Variants in COL5A3 observed in about 807,000 individuals in gnomAD.
The protein encoded by COL5A3 is collagen type V alpha 3 chain, also known as collagen alpha-3(V) chain.
In COL5A3, 172 loss-of-function variants were observed where a neutral mutation model predicts 250.0. The ratio of observed to expected loss-of-function variants is 0.69; its 90% confidence interval spans 0.61 to 0.78. The LOEUF (loss-of-function observed/expected upper bound fraction) is 0.78. Ranked by LOEUF, COL5A3 falls within the 30% of genes least tolerant of loss-of-function variation. COL5A3 has a pLI of 0.00. For missense variants in COL5A3, 2,340 were observed against 2,334.4 expected (o/e 1.00, Z -0.05); for synonymous variants, 937 against 900.4 (o/e 1.04, Z -0.73).
chr19:10,004,008 C>T lies in COL5A3; in HGVS notation c.699+33G>A, dbSNP rs192401920. 1,301 of 1,525,240 alleles carry T rather than the reference C, an allele frequency of 8.5e-4. 1 individual carries two copies. Among genetic ancestry groups the T allele is most frequent in the Non-Finnish European group, 1.0e-3 (1,131 of 1,098,638 alleles). The allele number at this position is 1,525,240 out of a possible 1,614,324, so 94.5% of individuals were successfully genotyped here. A position where few individuals can be genotyped will look rare whatever the true frequency, so the allele number is the denominator to read the frequency against. On this transcript the variant is annotated intron_variant, in intron 5 of 66. Transcript: ENST00000264828. ...AGCCAGGAAGGACCCAGCCTGTGTC[C>T]TGAGATTAGGAGTCATGGAGTCCCT...
At chr19:10,010,241 T>C in intron 1 of COL5A3, 57 bp downstream of exon 1, 1 of 888,156 alleles carries the variant, frequency 1.1e-6, no homozygotes, top group South Asian at 3.2e-5. Flanking sequence ...CCCCTCGCTC[T>C]TTTAGAGCCT....
In COL5A3 at chr19:9,973,034, G is replaced by T. The variant is rs759115088; in HGVS notation, c.3667-8C>A. The T allele has an allele frequency of 4.4e-6, 7 of 1,600,522 alleles. No individual in the cohort carries two copies. Among genetic ancestry groups the T allele is most frequent in the Non-Finnish European group, 8.5e-7 (1 of 1,172,890 alleles). On this transcript the variant is annotated splice_polypyrimidine_tract_variant and splice_region_variant and intron_variant, in intron 50 of 66. Transcript: ENST00000264828. ...AATGTCTCCCTTGGGCCCCTTTACA[G>T]AAAGAGGTCAGAGGTCAGAGTGGCC... is the stretch of plus-strand genomic sequence containing the variant.
Position 9,966,221 on chromosome 19 carries a change from G to T in COL5A3, c.4782+93C>A, listed in dbSNP as rs2086742629. 5 of 954,320 alleles carry T rather than the reference G, an allele frequency of 5.2e-6. No homozygotes were observed. The East Asian group carries it at 1.2e-4, about 23-fold the overall frequency. The allele number at this position is 954,320 out of a possible 1,614,324, so 59.1% of individuals were successfully genotyped here. ...AAGTGCTCAATAAATGCCGGTTGAAGGAAGGATAACGTCCCAGACAAGGTG... is the reference window on the plus strand; with the variant it reads ...AAGTGCTCAATAAATGCCGGTTGAATGAAGGATAACGTCCCAGACAAGGTG... On this transcript the variant is annotated intron_variant, in intron 64 of 66. Coordinates refer to ENST00000264828, the MANE Select transcript of COL5A3 (RefSeq NM_015719.4).
Position 9,968,416 on chromosome 19 carries a change from A to T in COL5A3, c.4283T>A (p.Val1428Glu). 1 of 1,591,742 alleles carries T rather than the reference A, an allele frequency of 6.3e-7. No individual in the cohort carries two copies. The highest frequency in any genetic ancestry group is 8.5e-7 in the Non-Finnish European group (1 of 1,174,482). ...TCCCTTGGGACCAGGGGGTCCCTGC[A>T]CGCCTGGCAACCCCTGATCTCCTTT... ...GEKGDQGLPG[V>E]QGPPGPKGDP... is the part of the protein sequence containing the mutation. The change falls in exon 59 of 67, where the codon GTG becomes GAG. Residue 1428 changes from valine (V) to glutamate (E), a missense_variant. Val to Glu is a moderately radical substitution (Grantham distance 121, BLOSUM62 -2). This residue lies in a region of COL5A3 where 1,179 missense variants were observed against 1,162.6 expected (regional missense o/e 1.01). Coordinates refer to ENST00000264828, the MANE Select transcript of COL5A3 (RefSeq NM_015719.4). This position sits in a 1 kb window ranked among gnomAD's most constrained non-coding sequence, Gnocchi z 4.1.
intron 41 of COL5A3, among the ~76,000 whole-genome samples, chr19:9,977,987 T>C (rs1394616293): frequency 1.4e-5 from 2 of 140,452 alleles, no homozygotes; most frequent in Admixed American, 1.4e-4. Flanking sequence ...TATATATATT[T>C]GTAGAGACAG....
rs560314176 is a variant in COL5A3 at position 9,991,616 on chromosome 19, C to T, written c.1986G>A (p.Gly662=). 6.3e-7 allele frequency: 1 copy of T among 1,598,986 alleles called. No homozygotes were observed. Among genetic ancestry groups the T allele is most frequent in the East Asian group, 2.3e-5 (1 of 43,988 alleles). The part of the protein sequence containing the change: ...PGPQGLIGTP[G]EKGPPGNPGI... Reference sequence around the variant, plus strand: ...AGGTGGAGCTGTCACTCACCTTCTCCCCAGGAGTGCCAATGAGTCCCTGGG... The same window carrying T: ...AGGTGGAGCTGTCACTCACCTTCTCTCCAGGAGTGCCAATGAGTCCCTGGG... The change falls in exon 24 of 67, where the codon GGG becomes GGA. Residue 662 remains glycine, a synonymous_variant. Coordinates refer to ENST00000264828, the MANE Select transcript of COL5A3 (RefSeq NM_015719.4).
chr19:10,000,602 G>A (rs2087346133), intron 8 of COL5A3, among the ~76,000 whole-genome samples: 2 of 151,406 alleles, frequency 1.3e-5, no homozygotes, highest in African/African-American at 2.4e-5. Flanking sequence ...CCGGCCCAGG[G>A]GGAGCTTTTA....
chr19:10,005,444 C>G (rs988605261), intron 4 of COL5A3, 114 bp downstream of exon 4: 24 of 1,111,728 alleles, frequency 2.2e-5, no homozygotes, highest in Admixed American at 4.0e-5. Flanking sequence ...CCCTTAGCTT[C>G]CTGGGGATAG....
At chr19:9,970,338 GT>G (rs2086820028) in intron 54 of COL5A3, among the ~76,000 whole-genome samples, 3 of 127,788 alleles carry the variant, frequency 2.3e-5, no homozygotes, top group African/African-American at 6.0e-5. Context: ...GGGTCTGTGG[GT>G]GAGTGTGTTC....
chr19:10,001,493 T>G (rs2087360026), intron 8 of COL5A3, 31 bp downstream of exon 8: 1 of 1,608,894 alleles, frequency 6.2e-7, no homozygotes, highest in Non-Finnish European at 8.5e-7. Flanking sequence ...CCCACTCTCT[T>G]GCACCTAACC....
intron 11 of COL5A3, chr19:9,996,965 A>T (rs2087283273): frequency 1.9e-6 from 1 of 538,732 alleles, no homozygotes; most frequent in Non-Finnish European, 3.2e-6. Flanking sequence ...AAACAGAGAG[A>T]CAGAGAGAGA....
intron 24 of COL5A3, among the ~76,000 whole-genome samples, chr19:9,991,166 G>A (rs1315270840): frequency 6.6e-6 from 1 of 152,186 alleles, no homozygotes; most frequent in Non-Finnish European, 1.5e-5. Flanking sequence ...CACCTCGCCT[G>A]GGGAAGTCAA....
intron 65 of COL5A3, 49 bp downstream of exon 65, chr19:9,962,770 G>A: frequency 6.8e-7 from 1 of 1,464,816 alleles, no homozygotes; most frequent in Non-Finnish European, 9.5e-7. Context: ...CCCCCTGCTG[G>A]TTCCCATCAA....
In COL5A3 at chr19:9,969,670, G is replaced by A. The variant is rs975549916; in HGVS notation, c.4003C>T (p.Pro1335Ser). The stretch of plus-strand genomic sequence containing the variant: ...CCCGTCCTCCCTGGGGGCCCATCAG[G>A]ACCTGGCTCCCCCTGAAATGGACAC... ...GEKGAKGEPGPDGPPGRTGPM... is the reference protein window; with the variant it reads ...GEKGAKGEPGSDGPPGRTGPM... The change falls in exon 56 of 67, where the codon CCT (proline) becomes TCT (serine). Residue 1335 changes from proline to serine, a missense_variant. Coordinates refer to ENST00000264828, the MANE Select transcript of COL5A3 (RefSeq NM_015719.4). 5 of 1,587,948 alleles carry A rather than the reference G, an allele frequency of 3.1e-6. No homozygotes were observed. In the African/African-American group the frequency reaches 6.8e-5, roughly 22 times the overall value.
intron 8 of COL5A3, 40 bp downstream of exon 8, chr19:10,001,484 C>A: frequency 6.3e-7 from 1 of 1,575,006 alleles, no homozygotes; most frequent in South Asian, 1.2e-5. Flanking sequence ...AATAGGAATC[C>A]CACTCTCTTG....
rs755699411 is a variant in COL5A3, at chr19:9,970,666, C to T, written c.3892G>A (p.Gly1298Arg). 1.4e-6 allele frequency: 2 copies of T among 1,445,348 alleles called. No individual in the cohort carries two copies. The highest frequency in any genetic ancestry group is 3.1e-5 in the South Asian group (2 of 63,534). The allele number at this position is 1,445,348 out of a possible 1,614,324, so 89.5% of individuals were successfully genotyped here. A position where few individuals can be genotyped will look rare whatever the true frequency, so the allele number is the denominator to read the frequency against. The change falls in exon 54 of 67, where the codon GGA becomes AGA. Residue 1298 changes from glycine to arginine, a missense_variant. Gly to Arg is a moderately radical substitution (Grantham distance 125). Coordinates refer to ENST00000264828, the MANE Select transcript of COL5A3 (RefSeq NM_015719.4). ...GGGGCGCCGGGCTCCCCAGAAGCTC[C>T]AGGCGGACCCTGGAGGAGACAAGGA... ...PGDVGGPGPPGASGEPGAPGP... is the reference protein window; with the variant it reads ...PGDVGGPGPPRASGEPGAPGP...
intron 12 of COL5A3, 40 bp from the exon 13 acceptor site, chr19:9,996,556 G>T: frequency 1.9e-6 from 3 of 1,612,730 alleles, no homozygotes; most frequent in Middle Eastern, 1.7e-4. Flanking sequence ...CCCAGGAGAG[G>T]CCCCCTCCTG....
At chr19:9,984,527 A>G (rs2087067392) in intron 31 of COL5A3, among the ~76,000 whole-genome samples, 1 of 152,200 alleles carries the variant, frequency 6.6e-6, no homozygotes, top group Non-Finnish European at 1.5e-5. Context: ...GATATGTAAG[A>G]TGTGTATTTT....
chr19:9,993,553 G>C lies in COL5A3; in HGVS notation c.1695+66C>G. The C allele has an allele frequency of 1.9e-6, 3 of 1,588,100 alleles. No homozygotes were observed. The South Asian group carries it at 3.3e-5, about 18-fold the overall frequency. Reference sequence around the variant, plus strand: ...GGATCATGACTCTGATACTGAGGGAGAAGTTGGGGGGGCTTGAATATTGGG... The same window carrying C: ...GGATCATGACTCTGATACTGAGGGACAAGTTGGGGGGGCTTGAATATTGGG... On this transcript the variant is annotated intron_variant, in intron 18 of 66. Coordinates refer to ENST00000264828, the MANE Select transcript of COL5A3 (RefSeq NM_015719.4).
Sources: gnomAD v4.1 joint callset for allele counts (sites outside exome capture counted in the v4.1 genomes callset) on GRCh38, gnomAD v4.1.1 for gene constraint, gnomAD v4.1.1 regional missense constraint, Gnocchi (gnomAD v3.1) non-coding constraint, MANE v1.5 for transcripts, NCBI Gene and HGNC (gene_info 2026-07-23, HGNC 2026-07-21) for gene names.